The following LRRTM4 variants were observed in gnomAD, a reference collection of about 807,000 sequenced individuals.
LRRTM4 encodes leucine rich repeat transmembrane neuronal 4.
Under a neutral mutation model 47.6 loss-of-function variants are expected in LRRTM4, and 25 were observed. That is an observed-to-expected ratio of 0.53 (90% CI 0.38 to 0.73). The LOEUF (loss-of-function observed/expected upper bound fraction) is 0.73, where lower values mean the gene tolerates loss of function less well. Among genes scored for constraint, LRRTM4 ranks in the 30% least tolerant of loss-of-function variants. The probability of loss-of-function intolerance (pLI) is 0.00; values close to 1 mark genes in which losing one functional copy is unlikely to be tolerated. For missense variants in LRRTM4, 638 were observed against 713.4 expected (o/e 0.89, Z 1.20); for synonymous variants, 311 against 269.5 (o/e 1.15, Z -1.51).
intron 3 of LRRTM4, among the ~76,000 whole-genome samples, chr2:77,007,165 TACACAC>T (rs145356845): frequency 6.6e-6 from 1 of 150,550 alleles, no homozygotes; most frequent in Non-Finnish European, 1.5e-5. Context: ...TATATATATA[TACACAC>T]ACACACACAC....
intron 3 of LRRTM4, among the ~76,000 whole-genome samples, chr2:77,458,496 G>A (rs1364083786): frequency 6.6e-6 from 1 of 152,072 alleles, no homozygotes; most frequent in African/African-American, 2.4e-5. Context: ...AAGCAGCACT[G>A]TGGCAGGGTT....
chr2:77,457,020 A>ATG (rs1558752038), intron 3 of LRRTM4, among the ~76,000 whole-genome samples: 2 of 32,604 alleles, frequency 6.1e-5, no homozygotes, highest in East Asian at 2.1e-3. Context: ...ATATATATAT[A>ATG]TATATATATA....
chr2:77,015,313 AGG>A (rs1678022148), intron 3 of LRRTM4, among the ~76,000 whole-genome samples: 1 of 152,082 alleles, frequency 6.6e-6, no homozygotes, highest in African/African-American at 2.4e-5. Flanking sequence ...TGATACATGG[AGG>A]AAGTTGTACT....
intron 3 of LRRTM4, among the ~76,000 whole-genome samples, chr2:77,010,265 T>C (rs1169353452): frequency 6.6e-6 from 1 of 152,012 alleles, no homozygotes; most frequent in African/African-American, 2.4e-5. Context: ...AATATTTGTG[T>C]TGTTTGATTA....
intron 3 of LRRTM4, among the ~76,000 whole-genome samples, chr2:77,217,724 T>C (rs1166069359): frequency 6.6e-6 from 1 of 151,818 alleles, no homozygotes; most frequent in Non-Finnish European, 1.5e-5. Context: ...TAAGTCTTTC[T>C]ATCTGCAGTA....
chr2:77,062,459 A>C (rs974210146), intron 3 of LRRTM4, among the ~76,000 whole-genome samples: 1 of 152,184 alleles, frequency 6.6e-6, no homozygotes, highest in Non-Finnish European at 1.5e-5. Context: ...AATCAATTTA[A>C]AGTTAATAAT....
intron 3 of LRRTM4, among the ~76,000 whole-genome samples, chr2:77,086,153 G>T (rs1680703612): frequency 6.6e-6 from 1 of 152,112 alleles, no homozygotes; most frequent in African/African-American, 2.4e-5. Context: ...ACATTTTAAT[G>T]TGCCAGCCAC....
At chr2:76,820,938 C>T (rs1412324876) in intron 3 of LRRTM4, among the ~76,000 whole-genome samples, 1 of 151,694 alleles carries the variant, frequency 6.6e-6, no homozygotes, top group Admixed American at 6.6e-5. Flanking sequence ...ACTGGTAGGA[C>T]ATCACCTAAT....
At chr2:77,209,202 T>C (rs1033455883) in intron 3 of LRRTM4, among the ~76,000 whole-genome samples, 2 of 152,178 alleles carry the variant, frequency 1.3e-5, no homozygotes, top group African/African-American at 4.8e-5. Context: ...CATTTTGTTT[T>C]GCTCTTTCTA....
At chr2:77,108,588 T>TC (rs1671160993) in intron 3 of LRRTM4, among the ~76,000 whole-genome samples, 1 of 148,534 alleles carries the variant, frequency 6.7e-6, no homozygotes, top group African/African-American at 2.6e-5. Context: ...CTTTTTTTTT[T>TC]TTTCTTTTTT....
intron 3 of LRRTM4, among the ~76,000 whole-genome samples, chr2:76,816,283 G>C (rs1191886311): frequency 6.6e-6 from 1 of 152,092 alleles, no homozygotes; most frequent in Non-Finnish European, 1.5e-5. Flanking sequence ...TCAGAACTAA[G>C]GTCCCCTAGT....
intron 3 of LRRTM4, among the ~76,000 whole-genome samples, chr2:77,072,814 A>AC (rs1558563370): frequency 6.6e-6 from 1 of 151,510 alleles, no homozygotes. Context: ...AAAAAAAAAA[A>AC]AAAAAAAAAC....
intron 3 of LRRTM4, among the ~76,000 whole-genome samples, chr2:76,963,311 G>A (rs763999767): frequency 3.8e-4 from 58 of 150,660 alleles, no homozygotes; most frequent in Non-Finnish European, 6.1e-4. Context: ...AGTAAATGGC[G>A]ATTCTACTTA....
chr2:77,417,024 G>A (rs768225406), intron 3 of LRRTM4, among the ~76,000 whole-genome samples: 4 of 151,886 alleles, frequency 2.6e-5, no homozygotes, highest in Non-Finnish European at 5.9e-5. Flanking sequence ...CAGAATCTAT[G>A]ATGAACTCCA....
chr2:76,955,725 T>C (rs1675651406), intron 3 of LRRTM4, among the ~76,000 whole-genome samples: 1 of 151,706 alleles, frequency 6.6e-6, no homozygotes, highest in Admixed American at 6.6e-5. Context: ...ATGCAGGATC[T>C]CACCTTTCAC....
chr2:76,978,581 G>A (rs1186641467), intron 3 of LRRTM4, among the ~76,000 whole-genome samples: 1 of 152,032 alleles, frequency 6.6e-6, no homozygotes, highest in Non-Finnish European at 1.5e-5. Flanking sequence ...ATAGCACAGT[G>A]CACTTAATCA....
rs1295663352 is a variant in LRRTM4 at position 77,085,413 on chromosome 2, T to C, written c.1552-336497A>G. Among the ~76,000 whole-genome samples, 28 of 151,776 alleles carry C rather than the reference T, an allele frequency of 1.8e-4. 1 individual carries two copies. The highest frequency in any genetic ancestry group is 1.8e-3 in the Admixed American group (28 of 15,230). ...TTTTTGCCTGTTTTAAGGATGTTAT[T>C]TGTATACTTTTGAATCTGATGCTAT... On this transcript the variant is annotated intron_variant, in intron 3 of 3. Transcript: ENST00000409884.
intron 3 of LRRTM4, among the ~76,000 whole-genome samples, chr2:77,076,515 G>A (rs942658110): frequency 3.9e-5 from 6 of 152,162 alleles, no homozygotes; most frequent in African/African-American, 1.2e-4. Context: ...ACGATAATGA[G>A]AAGGATACAC....
At chr2:77,050,273 T>C (rs1270154044) in intron 3 of LRRTM4, among the ~76,000 whole-genome samples, 2 of 152,030 alleles carry the variant, frequency 1.3e-5, no homozygotes, top group Non-Finnish European at 2.9e-5. Context: ...ATGGCAACCA[T>C]GAGCTGGAGG....
Sources: allele counts gnomAD v4.1 joint callset (sites outside exome capture counted in the v4.1 genomes callset), GRCh38; gene constraint gnomAD v4.1.1; transcripts MANE v1.5; gene names NCBI Gene and HGNC (gene_info 2026-07-23, HGNC 2026-07-21).